Variants in COL20A1 observed in about 807,000 individuals in gnomAD.
The protein encoded by COL20A1 is collagen type XX alpha 1 chain.
A neutral mutation model predicts 152.9 loss-of-function variants in COL20A1; 164 were observed. The observed-to-expected ratio is 1.07, with a 90% CI of 0.94 to 1.22. The LOEUF is 1.22. Among genes scored for constraint, COL20A1 ranks in the 50% most tolerant of loss-of-function variants. The pLI is 0.00. For synonymous variants in COL20A1, 864 were observed against 756.0 expected (o/e 1.14, Z -2.34); for missense variants, 1,873 against 1,744.8 (o/e 1.07, Z -1.31).
In COL20A1 at chr20:63,333,143, T is replaced by A. The variant is rs1180336702; in HGVS notation, c.*2427T>A. 6.6e-6 allele frequency: 1 copy of A among 152,180 alleles called. No homozygotes were observed. The highest frequency in any genetic ancestry group is 2.4e-5 in the African/African-American group (1 of 41,362). The allele number at this position is 152,180 out of a possible 1,614,324, so 9.4% of individuals were successfully genotyped here. On this transcript the variant is annotated 3_prime_UTR_variant, in exon 36 of 36. Transcript: ENST00000358894. ...GCTCTCCCCTCCAGAGGCCCCTCTG[T>A]AGTGGGCCTCGGTCCCCTCTCCACC...
At chr20:63,294,705 C>T (rs937722978) in intron 1 of COL20A1, among the ~76,000 whole-genome samples, 2 of 152,184 alleles carry the variant, frequency 1.3e-5, no homozygotes, top group African/African-American at 4.8e-5. Context: ...CTGGAGAGCT[C>T]GCCCCTTGCC....
chr20:63,299,376 AC>A lies in COL20A1; in HGVS notation c.193+1359del, dbSNP rs367644752. ...TGTATGATTGCTTCCGTTGCATGACACCCTTGGCAACCAACGCTTGGCAGCC... is the reference window on the plus strand; with the variant it reads ...TGTATGATTGCTTCCGTTGCATGACACCTTGGCAACCAACGCTTGGCAGCC... On this transcript the variant is annotated intron_variant, in intron 3 of 35. Transcript: ENST00000358894. Among the ~76,000 whole-genome samples the A allele has an allele frequency of 3.5e-3, 539 of 152,108 alleles. 2 individuals are homozygous for A. The highest frequency in any genetic ancestry group is 0.012 in the African/African-American group (508 of 41,482).
intron 19 of COL20A1, among the ~76,000 whole-genome samples, chr20:63,314,669 C>T (rs2068060918): frequency 6.6e-6 from 1 of 152,132 alleles, no homozygotes; most frequent in Admixed American, 6.5e-5. Flanking sequence ...AGAGCTGCTC[C>T]TCCCATCAGG....
At chr20:63,316,453 A>C in intron 20 of COL20A1, 100 bp from the exon 21 acceptor site, 3 of 512,504 alleles carry the variant, frequency 5.9e-6, no homozygotes, top group Non-Finnish European at 8.5e-6. Context: ...ACCGCACTGC[A>C]GCCCCTGGGT....
chr20:63,312,736 C>G, intron 15 of COL20A1, 56 bp from the exon 16 acceptor site: 1 of 1,493,774 alleles, frequency 6.7e-7, no homozygotes, highest in Non-Finnish European at 9.0e-7. Flanking sequence ...TGCCCCTCCT[C>G]TGAGGTGCCC....
Position 63,308,652 on chromosome 20 carries a change from G to A in COL20A1, c.886G>A (p.Val296Met), listed in dbSNP as rs758363929. The change falls in exon 8 of 36, where the codon GTG (valine) becomes ATG (methionine). Residue 296 changes from valine to methionine, a missense_variant. Physicochemically the swap from Val to Met is conservative, Grantham distance 21 (BLOSUM62 1). Coordinates refer to ENST00000358894, the MANE Select transcript of COL20A1 (RefSeq NM_020882.4). ...LVTDGKSQDD[V>M]HTAARVLKDL... The stretch of plus-strand genomic sequence containing the variant: ...GACGGACGGCAAGTCCCAGGACGAT[G>A]TGCACACTGCTGCCCGTGTCCTCAA... The A allele has an allele frequency of 5.2e-5, 84 of 1,607,898 alleles. No homozygotes were observed. Among genetic ancestry groups the A allele is most frequent in the Non-Finnish European group, 6.8e-5 (80 of 1,177,844 alleles).
chr20:63,325,656 G>A lies in COL20A1; in HGVS notation c.3349-12G>A, dbSNP rs1185021374. The A allele has an allele frequency of 1.2e-6, 2 of 1,605,778 alleles. No individual in the cohort carries two copies. The highest frequency in any genetic ancestry group is 2.7e-5 in the African/African-American group (2 of 74,776). ...TGGCCCCTGCCTGGCCGGCCCCTCT[G>A]TTCTCTCCCAGGGCCACCCCGGCCA... On this transcript the variant is annotated splice_polypyrimidine_tract_variant and intron_variant, in intron 28 of 35. Transcript: ENST00000358894.
chr20:63,316,772 G>T, intron 21 of COL20A1, 81 bp downstream of exon 21: 1 of 1,306,934 alleles, frequency 7.7e-7, no homozygotes, highest in Non-Finnish European at 1.0e-6. Flanking sequence ...GGGGGGGCGG[G>T]CATGGGCCGG....
intron 34 of COL20A1, 109 bp downstream of exon 34, chr20:63,328,607 T>A: frequency 9.4e-7 from 1 of 1,060,146 alleles, no homozygotes; most frequent in Non-Finnish European, 1.3e-6. Context: ...CAGCTCCTGC[T>A]GGAGATGCCA....
At chr20:63,321,258 G>A (rs189581877) in intron 26 of COL20A1, among the ~76,000 whole-genome samples, 159 bp downstream of exon 26, 1 of 152,090 alleles carries the variant, frequency 6.6e-6, no homozygotes, top group African/African-American at 2.4e-5. Flanking sequence ...TGCTGTGCCC[G>A]CCCTGGGCCA....
intron 3 of COL20A1, among the ~76,000 whole-genome samples, chr20:63,301,756 C>G (rs2067865544): frequency 6.6e-6 from 1 of 152,130 alleles, no homozygotes; most frequent in Non-Finnish European, 1.5e-5. Flanking sequence ...AATCTCCTTT[C>G]TCCTTCTTTT....
At chr20:63,315,117 C>G (rs2068068126) in intron 19 of COL20A1, among the ~76,000 whole-genome samples, 1 of 152,264 alleles carries the variant, frequency 6.6e-6, no homozygotes, top group African/African-American at 2.4e-5. Flanking sequence ...GGGTATCACA[C>G]CCAGTGAGAT....
rs2123401469 is a variant in COL20A1, at chr20:63,311,301, C to T, written c.1394-93C>T. The T allele has an allele frequency of 3.0e-6, 4 of 1,324,248 alleles. No individual in the cohort carries two copies. The highest frequency in any genetic ancestry group is 4.0e-6 in the Non-Finnish European group (4 of 988,956). 82.0% of individuals were successfully genotyped at this position (1,324,248 alleles called of 1,614,324 possible). On this transcript the variant is annotated intron_variant, in intron 11 of 35. Coordinates refer to ENST00000358894, the MANE Select transcript of COL20A1 (RefSeq NM_020882.4). This position sits in a 1 kb window ranked among gnomAD's most constrained non-coding sequence, Gnocchi z 4.4. ...ATCCTGTGCACCTGCCAGGCGGTGG[C>T]CGTGCCCACCCACTCTGGTGTGAGG...
At chr20:63,315,738 G>A (rs929478488) in intron 20 of COL20A1, among the ~76,000 whole-genome samples, 2 of 152,152 alleles carry the variant, frequency 1.3e-5, no homozygotes, top group Non-Finnish European at 2.9e-5. Flanking sequence ...ACTGGAGCTG[G>A]GGGTTTCAAG....
chr20:63,315,424 G>A lies in COL20A1; in HGVS notation c.2509G>A (p.Asp837Asn). 6.3e-7 allele frequency: 1 copy of A among 1,579,656 alleles called. No individual in the cohort carries two copies. The highest frequency in any genetic ancestry group is 8.6e-7 in the Non-Finnish European group (1 of 1,167,702). ...GQTACPALRP[D>N]GSLPGFDLMV... ...AGCAGCCTGCCCAGCCCTCCGCCCT[G>A]ACGGCTCCCTCCCAGGTGGGTCCTG... is the stretch of plus-strand genomic sequence containing the variant. Residue 837 changes from aspartate (D) to asparagine (N), a missense_variant, in exon 20 of 36, where the codon GAC (aspartate) becomes AAC (asparagine). Transcript: ENST00000358894.
In COL20A1 at chr20:63,319,331, G is replaced by T; in HGVS notation, c.2806+131G>T. 1 of 1,149,392 alleles carries T rather than the reference G, an allele frequency of 8.7e-7. No individual in the cohort carries two copies. The highest frequency in any genetic ancestry group is 1.2e-6 in the Non-Finnish European group (1 of 818,592). 71.2% of individuals were successfully genotyped at this position (1,149,392 alleles called of 1,614,324 possible). ...CTCAGCACCCTCTGGGTGGGAGGCA[G>T]GTGTCCCGGGCAGGGGGCTGTGGGC... On this transcript the variant is annotated intron_variant, in intron 22 of 35. Transcript: ENST00000358894. This position sits in a 1 kb window ranked among gnomAD's most constrained non-coding sequence, Gnocchi z 4.4.
Position 63,305,831 on chromosome 20 carries a change from G to A in COL20A1, c.338-50G>A. ...GGGGTGTATGTGCAGCTGCCCCAGT[G>A]GACCAGGCCCTCCACTCCCACCCTG... On this transcript the variant is annotated intron_variant, in intron 4 of 35. Transcript: ENST00000358894. The surrounding 1 kb of genome is among the most constrained non-coding windows in gnomAD (Gnocchi z 4.9). 1 of 1,584,846 alleles carries A rather than the reference G, an allele frequency of 6.3e-7. No homozygotes were observed.
At chr20:63,310,268 G>T in intron 10 of COL20A1, 113 bp from the exon 11 acceptor site, 1 of 1,214,822 alleles carries the variant, frequency 8.2e-7, no homozygotes, top group Admixed American at 2.1e-5. Flanking sequence ...GTGGGAAGTG[G>T]GGCACCCTGC....
At chr20:63,310,030 A>C in intron 10 of COL20A1, 115 bp downstream of exon 10, 1 of 1,036,046 alleles carries the variant, frequency 9.7e-7, no homozygotes, top group East Asian at 2.6e-5. Flanking sequence ...CAGGCTGAGA[A>C]GGGGGTGTCG....
Sources: allele counts gnomAD v4.1 joint callset (sites outside exome capture counted in the v4.1 genomes callset), GRCh38; gene constraint gnomAD v4.1.1; non-coding constraint Gnocchi (gnomAD v3.1); transcripts MANE v1.5; gene names NCBI Gene and HGNC (gene_info 2026-07-23, HGNC 2026-07-21).